Variants in CNTNAP4 observed in about 807,000 individuals in gnomAD.
CNTNAP4 encodes contactin associated protein family member 4, also known as contactin-associated protein-like 4.
Under a neutral mutation model 148.4 loss-of-function variants are expected in CNTNAP4, and 98 were observed. The ratio of observed to expected loss-of-function variants is 0.66; its 90% CI spans 0.56 to 0.78. The LOEUF (loss-of-function observed/expected upper bound fraction) is 0.78, where lower values mean the gene tolerates loss of function less well. Ranked by LOEUF, CNTNAP4 falls within the 30% of genes least tolerant of loss-of-function variation. CNTNAP4 has a pLI of 0.00. For missense variants in CNTNAP4, 1,935 were observed against 1,565.6 expected, an observed-to-expected ratio of 1.24 and a Z score of -3.98; for synonymous variants, 730 against 565.1, an observed-to-expected ratio of 1.29 and a Z score of -4.14.
rs188828771 is a variant in CNTNAP4, at chr16:76,316,362, C to G, written c.86-51C>G. 6 of 1,208,558 alleles carry G rather than the reference C, an allele frequency of 5.0e-6. No homozygotes were observed. In the South Asian group the frequency reaches 6.2e-5, roughly 12 times the overall value. 74.9% of individuals were successfully genotyped at this position (1,208,558 alleles called of 1,614,324 possible). A position where few individuals can be genotyped will look rare whatever the true frequency, so the allele number is the denominator to read the frequency against. On this transcript the variant is annotated intron_variant, in intron 1 of 23. Coordinates refer to ENST00000611870, the MANE Select transcript of CNTNAP4 (RefSeq NM_033401.5). The stretch of plus-strand genomic sequence containing the variant: ...TTGGTTGTTTTGTCTATTGATTCCA[C>G]GAAAGCCTCAGCACTAACTAACCCT...
At chr16:76,351,910 A>G (rs1005888579) in intron 2 of CNTNAP4, among the ~76,000 whole-genome samples, 1 of 152,240 alleles carries the variant, frequency 6.6e-6, no homozygotes, top group African/African-American at 2.4e-5. Flanking sequence ...ACTGGCCTGT[A>G]GAGGCATGGA....
chr16:76,315,886 C>T (rs550163846), intron 1 of CNTNAP4, among the ~76,000 whole-genome samples: 222 of 151,718 alleles, frequency 1.5e-3, no homozygotes, highest in African/African-American at 5.1e-3. Context: ...TGAGCCACCA[C>T]GCCAGGCTGT....
intron 3 of CNTNAP4, among the ~76,000 whole-genome samples, chr16:76,370,899 G>T (rs1407846452): frequency 6.6e-6 from 1 of 152,042 alleles, no homozygotes; most frequent in Non-Finnish European, 1.5e-5. Flanking sequence ...ATGTTAACTA[G>T]TGCCACATGT....
At chr16:76,416,876 C>A (rs2079004953) in intron 3 of CNTNAP4, among the ~76,000 whole-genome samples, 1 of 151,324 alleles carries the variant, frequency 6.6e-6, no homozygotes, top group African/African-American at 2.4e-5. Context: ...TTTGCCTCAT[C>A]TAACGACTCT....
intron 3 of CNTNAP4, among the ~76,000 whole-genome samples, chr16:76,409,726 T>G (rs1356387771): frequency 3.3e-5 from 5 of 152,130 alleles, no homozygotes; most frequent in Non-Finnish European, 7.4e-5. Flanking sequence ...TTGGCTTTAT[T>G]TCCCAAATGG....
At chr16:76,432,637 A>G (rs541286673) in intron 4 of CNTNAP4, 2 of 152,314 alleles carry the variant, frequency 1.3e-5, no homozygotes, top group South Asian at 4.1e-4. Context: ...AAGGAAAATA[A>G]ATGGGTGAAA....
chr16:76,317,663 T>C (rs1224619708), intron 2 of CNTNAP4, among the ~76,000 whole-genome samples: 2 of 152,208 alleles, frequency 1.3e-5, no homozygotes, highest in Non-Finnish European at 2.9e-5. Context: ...TAATATGTGC[T>C]TAATGCTTGA....
intron 12 of CNTNAP4, among the ~76,000 whole-genome samples, chr16:76,487,917 C>T (rs2082082418): frequency 6.6e-6 from 1 of 152,158 alleles, no homozygotes; most frequent in Non-Finnish European, 1.5e-5. Context: ...ACAGGGAAGT[C>T]TCACTCAGTG....
At chr16:76,557,051 C>G (rs1048977740) in intron 23 of CNTNAP4, among the ~76,000 whole-genome samples, 4 of 152,178 alleles carry the variant, frequency 2.6e-5, no homozygotes, top group Admixed American at 1.3e-4. Flanking sequence ...AGATTTGATT[C>G]ACATTGCTAT....
At chr16:76,460,773 A>AAAAAAAAAATATATATATAT in intron 8 of CNTNAP4, among the ~76,000 whole-genome samples, 1 of 57,328 alleles carries the variant, frequency 1.7e-5, no homozygotes, top group Non-Finnish European at 3.3e-5. Context: ...AAAAAAAAAA[A>AAAAAAAAAATATATATATAT]ATATATATAT....
chr16:76,373,753 G>C (rs773701258), intron 3 of CNTNAP4, among the ~76,000 whole-genome samples: 1 of 151,944 alleles, frequency 6.6e-6, no homozygotes, highest in African/African-American at 2.4e-5. Context: ...AAATTAGCCA[G>C]GCATGGTGGC....
At chr16:76,492,791 C>A (rs2082269568) in intron 13 of CNTNAP4, among the ~76,000 whole-genome samples, 1 of 152,126 alleles carries the variant, frequency 6.6e-6, no homozygotes, top group African/African-American at 2.4e-5. Flanking sequence ...TTTGAGGCCT[C>A]CCCAGCCATG....
chr16:76,488,893 C>G (rs1490399606), intron 12 of CNTNAP4, among the ~76,000 whole-genome samples: 3 of 152,130 alleles, frequency 2.0e-5, no homozygotes, highest in African/African-American at 7.2e-5. Flanking sequence ...GAAATGTTTA[C>G]AGACATTCAG....
In CNTNAP4 at chr16:76,535,606, G is replaced by C. The variant is rs1363567863; in HGVS notation, c.2817G>C (p.Gly939=). ...LGCIRSLQLN[G]MTLDLEERAQ... is the part of the protein sequence containing the mutation. ...GCATTCGGTCTCTGCAGTTGAATGG[G>C]ATGACCCTGGATTTGGAAGAAAGAG... is the stretch of plus-strand genomic sequence containing the variant. The change falls in exon 18 of 24, where the codon GGG becomes GGC. Residue 939 remains glycine, a synonymous_variant. Coordinates refer to ENST00000611870, the MANE Select transcript of CNTNAP4 (RefSeq NM_033401.5). 1.2e-6 allele frequency: 2 copies of C among 1,613,414 alleles called. No homozygotes were observed. Among genetic ancestry groups the C allele is most frequent in the Admixed American group, 1.7e-5 (1 of 60,018 alleles).
In CNTNAP4 at chr16:76,304,933, C is replaced by G. The variant is rs574787732; in HGVS notation, c.86-11480C>G. On this transcript the variant is annotated intron_variant, in intron 1 of 23. Transcript: ENST00000611870. ...TTGGGAATCCATCCAAATTGTACATCAGTAGTCTGTTCACTTTTATTGCAG... is the reference window on the plus strand; with the variant it reads ...TTGGGAATCCATCCAAATTGTACATGAGTAGTCTGTTCACTTTTATTGCAG... Among the ~76,000 whole-genome samples the G allele has an allele frequency of 3.3e-5, 5 of 152,250 alleles. 1 individual carries two copies. The East Asian group carries it at 9.7e-4, about 29-fold the overall frequency.
chr16:76,521,179 C>G lies in CNTNAP4; in HGVS notation c.2405C>G (p.Ser802Ter). ...WNSASFDTEASYLHFPTFHGE... is the reference protein window; with the variant it reads ...WNSASFDTEA The stretch of plus-strand genomic sequence containing the variant: ...TCAGCTTCCTTTGATACCGAGGCTT[C>G]ATATCTTCATTTTCCTACCTTCCAC... The change falls in exon 16 of 24, where the codon TCA becomes TGA. Residue 802 changes from serine (S) to a stop codon, truncating the protein, a stop_gained. Transcript: ENST00000611870. LOFTEE classifies it high-confidence loss of function. The G allele has an allele frequency of 6.2e-7, 1 of 1,608,098 alleles. No individual in the cohort carries two copies. The highest frequency in any genetic ancestry group is 1.3e-5 in the African/African-American group (1 of 74,328).
intron 2 of CNTNAP4, among the ~76,000 whole-genome samples, chr16:76,325,085 C>G (rs1412745035): frequency 6.6e-6 from 1 of 152,036 alleles, no homozygotes; most frequent in Non-Finnish European, 1.5e-5. Flanking sequence ...ATGTAGTGAG[C>G]CTGACATTTT....
intron 21 of CNTNAP4, among the ~76,000 whole-genome samples, chr16:76,543,674 G>C (rs999177822): frequency 9.7e-4 from 148 of 152,306 alleles, no homozygotes; most frequent in African/African-American, 3.4e-3. Context: ...TTGAGTTAAA[G>C]TCAGCCTCCA....
intron 3 of CNTNAP4, among the ~76,000 whole-genome samples, chr16:76,390,632 T>C (rs1008736769): frequency 6.6e-6 from 1 of 152,042 alleles, no homozygotes; most frequent in Non-Finnish European, 1.5e-5. Context: ...CATCATTGCA[T>C]TACTGATTCA....
Sources: allele counts gnomAD v4.1 joint callset (sites outside exome capture counted in the v4.1 genomes callset), GRCh38; gene constraint gnomAD v4.1.1; transcripts MANE v1.5; gene names NCBI Gene and HGNC (gene_info 2026-07-23, HGNC 2026-07-21).